The following SI variants were observed in gnomAD, a reference collection of about 807,000 sequenced individuals.
The protein encoded by SI is sucrase-isomaltase.
In SI, 235 loss-of-function variants were observed where a neutral mutation model predicts 253.3. The observed-to-expected ratio is 0.93, with a 90% CI of 0.83 to 1.03. SI has a LOEUF of 1.03. Ranked by LOEUF, SI falls within the 50% of genes least tolerant of loss-of-function variation. The pLI is 0.00. For synonymous variants in SI, 819 were observed against 712.0 expected, an observed-to-expected ratio of 1.15 and a Z score of -2.39; for missense variants, 2,442 against 2,211.1, an observed-to-expected ratio of 1.10 and a Z score of -2.09.
intron 12 of SI, among the ~76,000 whole-genome samples, chr3:165,058,417 G>T (rs1343602435): frequency 6.6e-6 from 1 of 151,366 alleles, no homozygotes; most frequent in African/African-American, 2.4e-5. Context: ...TAAATTAGTA[G>T]AAGGAAAGAA....
At position 165,063,018 on chromosome 3, in the gene SI, CATA is replaced by C. The variant is rs545377446; in HGVS notation, c.907+421_907+423del. ...CAATTCACCTATTAGATACTACACT[CATA>C]ATATTACAAAATAAAATACTACATT... On this transcript the variant is annotated intron_variant, in intron 8 of 47. Coordinates refer to ENST00000264382, the MANE Select transcript of SI (RefSeq NM_001041.4). Among the ~76,000 whole-genome samples, 34 of 152,088 alleles carry C rather than the reference CATA, an allele frequency of 2.2e-4. 1 individual carries two copies. In the South Asian group the frequency reaches 5.6e-3, roughly 25 times the overall value.
intron 37 of SI, among the ~76,000 whole-genome samples, chr3:165,001,465 A>T (rs1046711762): frequency 7.9e-5 from 12 of 151,510 alleles, no homozygotes; most frequent in Non-Finnish European, 1.5e-4. Context: ...TTGAAATTGG[A>T]TAAGTATTTT....
In SI at chr3:165,065,410, A is replaced by C; in HGVS notation, c.658T>G (p.Leu220Val). Residue 220 changes from leucine (L) to valine (V), a missense_variant, in exon 7 of 48, where the codon TTA becomes GTA. By Grantham distance (32) the Leu-to-Val change is conservative. Coordinates refer to ENST00000264382, the MANE Select transcript of SI (RefSeq NM_001041.4). ...TGTAAGTACTGGTCAGAGTACACTA[A>C]GGGACCAATGCTGGTGTCAAACCTG... Reference protein sequence around the residue: ...KTLFDTSIGPLVYSDQYLQIS... With the variant: ...KTLFDTSIGPVVYSDQYLQIS... The C allele has an allele frequency of 1.3e-6, 2 of 1,557,704 alleles. No individual in the cohort carries two copies. Among genetic ancestry groups the C allele is most frequent in the Non-Finnish European group, 1.8e-6 (2 of 1,140,478 alleles).
At chr3:165,059,335 C>A (rs765127631) in intron 10 of SI, 36 bp from the exon 11 acceptor site, 1 of 1,589,554 alleles carries the variant, frequency 6.3e-7, no homozygotes, top group African/African-American at 1.3e-5. Context: ...ATACATAGTA[C>A]TGAAAGAGCT....
intron 34 of SI, among the ~76,000 whole-genome samples, chr3:165,012,376 G>A (rs1205544345): frequency 6.6e-6 from 1 of 152,102 alleles, no homozygotes; most frequent in Non-Finnish European, 1.5e-5. Flanking sequence ...CATTTATTAA[G>A]AGGGTAGATC....
intron 35 of SI, 70 bp downstream of exon 35, chr3:165,009,209 C>T (rs1718655638): frequency 3.0e-6 from 3 of 997,820 alleles, no homozygotes; most frequent in Non-Finnish European, 4.8e-6. Flanking sequence ...TTATTTGAGC[C>T]AAGTACTAAT....
At chr3:165,069,252 T>C in intron 3 of SI, 57 bp from the exon 4 acceptor site, 1 of 1,126,332 alleles carries the variant, frequency 8.9e-7, no homozygotes, top group Non-Finnish European at 1.3e-6. Flanking sequence ...GATGTCCCAG[T>C]CTCTGTTTTT....
the SI span, among the ~76,000 whole-genome samples, chr3:165,085,741 G>A: frequency 6.6e-6 from 1 of 152,080 alleles, no homozygotes; most frequent in Non-Finnish European, 1.5e-5. Flanking sequence ...TGAATAAATT[G>A]GAAAAGTGTT....
intron 37 of SI, among the ~76,000 whole-genome samples, chr3:164,999,672 T>G (rs1718173039): frequency 6.6e-6 from 1 of 151,634 alleles, no homozygotes; most frequent in Admixed American, 6.6e-5. Context: ...CACCTTGAGA[T>G]TCCTAAAATC....
chr3:165,049,413 G>A (rs1576909389), intron 14 of SI, among the ~76,000 whole-genome samples, 169 bp from the exon 15 acceptor site: 2 of 151,982 alleles, frequency 1.3e-5, no homozygotes, highest in African/African-American at 2.4e-5. Flanking sequence ...TTCCAATTAG[G>A]TCCTCATCTT....
At chr3:165,085,993 C>T in the SI span, among the ~76,000 whole-genome samples, 1 of 152,040 alleles carries the variant, frequency 6.6e-6, no homozygotes, top group Non-Finnish European at 1.5e-5. Flanking sequence ...GTGATTCACC[C>T]CTGTAATCCC....
chr3:165,006,736 G>A (rs965454245), intron 37 of SI, 80 bp downstream of exon 37: 40 of 1,225,666 alleles, frequency 3.3e-5, no homozygotes, highest in Middle Eastern at 2.6e-4. Context: ...GAAGATTGTC[G>A]GGACTGTTAA....
In SI at chr3:165,015,159, G is replaced by A. The variant is rs1334720926; in HGVS notation, c.3963C>T (p.Val1321=). The A allele has an allele frequency of 6.2e-7, 1 of 1,613,236 alleles. No homozygotes were observed. The change falls in exon 33 of 48, where the codon GTC becomes GTT. Residue 1321 remains valine, a synonymous_variant. Transcript: ENST00000264382. ...FERGQQNDVF[V]KWPNTNDICW... Reference sequence around the variant, plus strand: ...AAATGTCATTGGTGTTTGGCCATTTGACAAAGACATCATTCTGCTGTCCTC... The same window carrying A: ...AAATGTCATTGGTGTTTGGCCATTTAACAAAGACATCATTCTGCTGTCCTC...
chr3:165,068,531 G>A (rs1389174992), intron 5 of SI, among the ~76,000 whole-genome samples, 191 bp downstream of exon 5: 1 of 152,050 alleles, frequency 6.6e-6, no homozygotes, highest in Admixed American at 6.6e-5. Flanking sequence ...CCGCCACCAC[G>A]CCTGGCTAAT....
At chr3:165,062,789 T>C (rs1400878466) in intron 8 of SI, among the ~76,000 whole-genome samples, 1 of 152,012 alleles carries the variant, frequency 6.6e-6, no homozygotes, top group African/African-American at 2.4e-5. Flanking sequence ...AAAAGATTTT[T>C]CTCTAAAACT....
At chr3:165,060,881 A>G (rs138349409) in intron 9 of SI, among the ~76,000 whole-genome samples, 2,137 of 147,524 alleles carry the variant, frequency 0.014, 34 homozygotes, top group Middle Eastern at 0.022. Context: ...ATATATATAT[A>G]TAGGATCCAT....
In SI at chr3:165,045,604, T is replaced by A. The variant is rs1713061832; in HGVS notation, c.1887+1237A>T. On this transcript the variant is annotated intron_variant, in intron 16 of 47. Coordinates refer to ENST00000264382, the MANE Select transcript of SI (RefSeq NM_001041.4). ...TTTTCTCTTATTTTAATTACTTACA[T>A]CTTTCTTTAGGTTTATTGTTTCTCC... is the stretch of plus-strand genomic sequence containing the variant. Among the ~76,000 whole-genome samples, 8 of 152,052 alleles carry A rather than the reference T, an allele frequency of 5.3e-5. 1 individual carries two copies. The South Asian group carries it at 1.7e-3, about 32-fold the overall frequency.
At chr3:165,071,652 G>A (rs1286939853) in intron 3 of SI, among the ~76,000 whole-genome samples, 1 of 152,034 alleles carries the variant, frequency 6.6e-6, no homozygotes, top group African/African-American at 2.4e-5. Flanking sequence ...GGTTAATTAA[G>A]TTTAAATAAG....
In SI at chr3:164,998,548, G is replaced by T. The variant is rs756113483; in HGVS notation, c.4532C>A (p.Ser1511Ter). Reference sequence around the variant, plus strand: ...TGGTGACTTTCACTTACCAATGATTGATTTGTCCATGTTGTCCCATCGTGC... The same window carrying T: ...TGGTGACTTTCACTTACCAATGATTTATTTGTCCATGTTGTCCCATCGTGC... Reference protein sequence around the residue: ...NYARWDNMDKSIIGMMEFSLF... With the variant: ...NYARWDNMDK The change falls in exon 38 of 48, where the codon TCA (serine) becomes TAA (stop). Residue 1511 changes from serine to a stop codon, truncating the protein, a stop_gained. Coordinates refer to ENST00000264382, the MANE Select transcript of SI (RefSeq NM_001041.4). LOFTEE classifies it high-confidence loss of function. 1.9e-6 allele frequency: 3 copies of T among 1,611,734 alleles called. No homozygotes were observed. The highest frequency in any genetic ancestry group is 1.7e-6 in the Non-Finnish European group (2 of 1,178,510).
Sources: allele counts gnomAD v4.1 joint callset (sites outside exome capture counted in the v4.1 genomes callset), GRCh38; gene constraint gnomAD v4.1.1; transcripts MANE v1.5; gene names NCBI Gene and HGNC (gene_info 2026-07-23, HGNC 2026-07-21).